The following LHFPL3 variants were observed in gnomAD, a reference collection of about 807,000 sequenced individuals.
The protein encoded by LHFPL3 is LHFPL tetraspan subfamily member 3.
A neutral mutation model predicts 19.3 loss-of-function variants in LHFPL3; 5 were observed. The ratio of observed to expected loss-of-function variants is 0.26; its 90% CI spans 0.14 to 0.54. The LOEUF (loss-of-function observed/expected upper bound fraction) is 0.54. LHFPL3 is among the 20% of genes least tolerant of loss of function. The pLI is 0.94. For missense variants in LHFPL3, 249 were observed against 307.4 expected (o/e 0.81, Z 1.42); for synonymous variants, 133 against 126.2 (o/e 1.05, Z -0.36).
At chr7:104,837,904 C>A (rs552546151) in intron 2 of LHFPL3, among the ~76,000 whole-genome samples, 1 of 152,266 alleles carries the variant, frequency 6.6e-6, no homozygotes, top group South Asian at 2.1e-4. Context: ...GATTCTTGAA[C>A]GAATAAATGT....
Position 104,577,412 on chromosome 7 carries a change from A to G in LHFPL3, c.446-159263A>G, listed in dbSNP as rs528888360. ...CACAAAATAGTGATTAGAAAGAAAG[A>G]TATCTAACAGGAGGAACAGTGTTAA... On this transcript the variant is annotated intron_variant, in intron 1 of 2. Transcript: ENST00000424859. Among the ~76,000 whole-genome samples, 14 of 152,286 alleles carry G rather than the reference A, an allele frequency of 9.2e-5. 1 individual carries two copies. The highest frequency in any genetic ancestry group is 3.4e-4 in the African/African-American group (14 of 41,542).
intron 1 of LHFPL3, among the ~76,000 whole-genome samples, chr7:104,730,860 A>C (rs930101154): frequency 6.6e-6 from 1 of 152,148 alleles, no homozygotes; most frequent in Non-Finnish European, 1.5e-5. Flanking sequence ...GTTTTCTTCT[A>C]GGGTTTTTAT....
At chr7:104,567,735 A>G (rs530381846) in intron 1 of LHFPL3, among the ~76,000 whole-genome samples, 1 of 152,164 alleles carries the variant, frequency 6.6e-6, no homozygotes, top group Non-Finnish European at 1.5e-5. Flanking sequence ...GATGTACCCA[A>G]GGACTTAGTT....
chr7:104,782,634 A>G lies in LHFPL3; in HGVS notation c.682+45723A>G, dbSNP rs555365463. 7.9e-5 allele frequency among the ~76,000 whole-genome samples: 12 copies of G among 152,336 alleles called. No homozygotes were observed. The South Asian group carries it at 2.1e-3, about 26-fold the overall frequency. On this transcript the variant is annotated intron_variant, in intron 2 of 2. Coordinates refer to ENST00000424859, the MANE Select transcript of LHFPL3 (RefSeq NM_199000.3). ...AGTGAAGCCAGAACAACCTTTCTGT[A>G]ATGCATATCACATCATAGCACATCA...
At chr7:104,570,187 A>G (rs762960904) in intron 1 of LHFPL3, among the ~76,000 whole-genome samples, 1 of 152,192 alleles carries the variant, frequency 6.6e-6, no homozygotes, top group South Asian at 2.1e-4. Flanking sequence ...TGCCCAGTCT[A>G]TATTGATTGA....
intron 1 of LHFPL3, among the ~76,000 whole-genome samples, chr7:104,656,072 T>C (rs1214046354): frequency 6.6e-6 from 1 of 152,212 alleles, no homozygotes; most frequent in Non-Finnish European, 1.5e-5. Context: ...CAAAAAATAA[T>C]TGGAGCTTCT....
chr7:104,843,306 G>A (rs973702596), intron 2 of LHFPL3, among the ~76,000 whole-genome samples: 4 of 152,298 alleles, frequency 2.6e-5, no homozygotes, highest in East Asian at 1.9e-4. Context: ...GTCAGTGTGG[G>A]ACCACAGATA....
chr7:104,381,137 A>C (rs1438171501), intron 1 of LHFPL3, among the ~76,000 whole-genome samples: 1 of 152,222 alleles, frequency 6.6e-6, no homozygotes, highest in East Asian at 1.9e-4. Context: ...TGACAAAATT[A>C]AAACCCATGG....
intron 1 of LHFPL3, among the ~76,000 whole-genome samples, chr7:104,714,954 G>A (rs1793360900): frequency 6.6e-6 from 1 of 151,844 alleles, no homozygotes; most frequent in Non-Finnish European, 1.5e-5. Context: ...TATATTTATA[G>A]GTACATACTT....
At chr7:104,582,768 T>C (rs1790483218) in intron 1 of LHFPL3, among the ~76,000 whole-genome samples, 1 of 149,536 alleles carries the variant, frequency 6.7e-6, no homozygotes, top group Admixed American at 6.7e-5. Context: ...AAGCCTATGT[T>C]GCATTCCTGG....
intron 1 of LHFPL3, among the ~76,000 whole-genome samples, chr7:104,647,142 T>A (rs1791949577): frequency 1.3e-5 from 2 of 152,226 alleles, no homozygotes; most frequent in Non-Finnish European, 2.9e-5. Flanking sequence ...ATCTTCCTGT[T>A]TTTACTATTT....
rs79811477 is a variant in LHFPL3 at position 104,809,809 on chromosome 7, G to T, written c.682+72898G>T. Among the ~76,000 whole-genome samples, 232 of 152,306 alleles carry T rather than the reference G, an allele frequency of 1.5e-3. 6 individuals carry two copies. The East Asian group carries it at 0.041, about 27-fold the overall frequency. On this transcript the variant is annotated intron_variant, in intron 2 of 2. Coordinates refer to ENST00000424859, the MANE Select transcript of LHFPL3 (RefSeq NM_199000.3). Reference sequence around the variant, plus strand: ...TTAGCCATTTAGTCATTTAGTTAATGAATCGTTTTTGAGCACCAAGGATAT... The same window carrying T: ...TTAGCCATTTAGTCATTTAGTTAATTAATCGTTTTTGAGCACCAAGGATAT...
chr7:104,402,891 T>A (rs112229595), intron 1 of LHFPL3, among the ~76,000 whole-genome samples: 3,394 of 152,310 alleles, frequency 0.022, 111 homozygotes, highest in African/African-American at 0.078. Flanking sequence ...TAAAAATGAT[T>A]CCAAATGATA....
chr7:104,528,084 A>G (rs1794224289), intron 1 of LHFPL3, among the ~76,000 whole-genome samples: 1 of 152,210 alleles, frequency 6.6e-6, no homozygotes. Flanking sequence ...GGAAGGCGAA[A>G]AATTAAATTA....
intron 1 of LHFPL3, among the ~76,000 whole-genome samples, chr7:104,585,480 A>ACACAC (rs1790551501): frequency 3.0e-4 from 37 of 123,460 alleles, no homozygotes; most frequent in South Asian, 2.7e-3. Context: ...AACACACACA[A>ACACAC]ACACACACAC....
At chr7:104,675,239 ACAG>A (rs1172945587) in intron 1 of LHFPL3, among the ~76,000 whole-genome samples, 1 of 152,258 alleles carries the variant, frequency 6.6e-6, no homozygotes, top group Non-Finnish European at 1.5e-5. Context: ...AAAAGAAGAA[ACAG>A]CAGGTGCAAA....
intron 1 of LHFPL3, among the ~76,000 whole-genome samples, chr7:104,513,787 G>C (rs984628847): frequency 6.6e-6 from 1 of 152,158 alleles, no homozygotes; most frequent in Non-Finnish European, 1.5e-5. Context: ...AAGTGATCTT[G>C]GGTATCTGCT....
chr7:104,834,826 A>G (rs1791060916), intron 2 of LHFPL3, among the ~76,000 whole-genome samples: 2 of 152,030 alleles, frequency 1.3e-5, no homozygotes, highest in East Asian at 1.9e-4. Context: ...ACTCTATAGC[A>G]CTGAGAAGTT....
At chr7:104,757,904 T>A (rs1477368761) in intron 2 of LHFPL3, among the ~76,000 whole-genome samples, 2 of 152,212 alleles carry the variant, frequency 1.3e-5, no homozygotes, top group African/African-American at 2.4e-5. Context: ...TGTGCACTTG[T>A]ATGTTCATTG....
Sources: gnomAD v4.1 joint callset for allele counts (sites outside exome capture counted in the v4.1 genomes callset) on GRCh38, gnomAD v4.1.1 for gene constraint, MANE v1.5 for transcripts, NCBI Gene and HGNC (gene_info 2026-07-23, HGNC 2026-07-21) for gene names.